The following TRMT44 variants were observed in gnomAD, a reference collection of about 807,000 sequenced individuals.
TRMT44 encodes probable tRNA (uracil-O(2)-)-methyltransferase.
Under a neutral mutation model 77.3 loss-of-function variants are expected in TRMT44, and 78 were observed. The observed-to-expected ratio is 1.01, with a 90% CI of 0.84 to 1.22. TRMT44 has a LOEUF of 1.22. Among genes scored for constraint, TRMT44 ranks in the 50% most tolerant of loss-of-function variants. TRMT44 has a pLI of 0.00. For missense variants in TRMT44, 1,090 were observed against 964.4 expected (o/e 1.13, Z -1.73); for synonymous variants, 391 against 383.3 (o/e 1.02, Z -0.23).
chr4:8,444,640 C>T lies in TRMT44; in HGVS notation c.620-1836C>T, dbSNP rs1002673951. 9.2e-5 allele frequency among the ~76,000 whole-genome samples: 14 copies of T among 152,326 alleles called. No individual in the cohort carries two copies. The highest frequency in any genetic ancestry group is 3.4e-3 in the Middle Eastern group (1 of 294). ...CTCCTACTCCTGACCTCACGTGATC[C>T]GCCTGCCTTGGCCTCCCAAAGTGCC... On this transcript the variant is annotated intron_variant, in intron 1 of 10. Coordinates refer to ENST00000389737, the MANE Select transcript of TRMT44 (RefSeq NM_152544.3). The surrounding 1 kb of genome is among the most constrained non-coding windows in gnomAD (Gnocchi z 4.0).
the TRMT44 span, among the ~76,000 whole-genome samples, chr4:8,502,765 T>C: frequency 6.6e-6 from 1 of 152,210 alleles, no homozygotes; most frequent in Non-Finnish European, 1.5e-5. Context: ...GCCATTGCCT[T>C]GGTGGATGCT....
At chr4:8,483,591 G>A (rs1727703071) in intron 2 of TRMT44, among the ~76,000 whole-genome samples, 1 of 152,188 alleles carries the variant, frequency 6.6e-6, no homozygotes, top group African/African-American at 2.4e-5. Flanking sequence ...TTAAGTTGGT[G>A]GCTGGGCTTG....
chr4:8,463,220 T>C (rs1468917002), intron 6 of TRMT44, among the ~76,000 whole-genome samples: 1 of 152,216 alleles, frequency 6.6e-6, no homozygotes, highest in Non-Finnish European at 1.5e-5. Flanking sequence ...TTTCAATGGT[T>C]GTGTGGTCTC....
At chr4:8,498,739 C>G in the TRMT44 span, among the ~76,000 whole-genome samples, 1 of 152,154 alleles carries the variant, frequency 6.6e-6, no homozygotes, top group Non-Finnish European at 1.5e-5. This position sits in a 1 kb window ranked among gnomAD's most constrained non-coding sequence, Gnocchi z 4.3. Flanking sequence ...GGCCACAGGT[C>G]TGGCTGATGG....
chr4:8,446,401 C>A lies in TRMT44; in HGVS notation c.620-75C>A. 1 of 948,230 alleles carries A rather than the reference C, an allele frequency of 1.1e-6. No homozygotes were observed. 58.7% of individuals were successfully genotyped at this position (948,230 alleles called of 1,614,324 possible). A position where few individuals can be genotyped will look rare whatever the true frequency, so the allele number is the denominator to read the frequency against. ...TGAAAGCATCGTGCTTGACTCATCCCTATTTTTAATACTGCTTCTGATGAG... is the reference window on the plus strand; with the variant it reads ...TGAAAGCATCGTGCTTGACTCATCCATATTTTTAATACTGCTTCTGATGAG... On this transcript the variant is annotated intron_variant, in intron 1 of 10. Transcript: ENST00000389737. This position sits in a 1 kb window ranked among gnomAD's most constrained non-coding sequence, Gnocchi z 4.3.
downstream of TRMT44, among the ~76,000 whole-genome samples, chr4:8,497,745 A>C (rs1728191234): frequency 1.3e-5 from 2 of 152,196 alleles, no homozygotes; most frequent in South Asian, 2.1e-4. Flanking sequence ...TAAAATAAAC[A>C]ATCCTCCTGT....
chr4:8,468,691 C>A, intron 9 of TRMT44: 1 of 485,606 alleles, frequency 2.1e-6, no homozygotes, highest in Non-Finnish European at 3.6e-6. Flanking sequence ...TGCACTGTCC[C>A]CTTGAGTATG....
intron 2 of TRMT44, among the ~76,000 whole-genome samples, chr4:8,448,876 C>T (rs966487513): frequency 1.6e-4 from 24 of 152,254 alleles, no homozygotes; most frequent in Admixed American, 3.9e-4. Context: ...GGCTCTGCCC[C>T]GCTCACCCAG....
In TRMT44 at chr4:8,450,869, C is replaced by T. The variant is rs73211383; in HGVS notation, c.954+981C>T. ...CTGGGGTGCAGTGGTGCAATCTTGGCTCACTGGAGACTCAACCTCCCGGGC... is the reference window on the plus strand; with the variant it reads ...CTGGGGTGCAGTGGTGCAATCTTGGTTCACTGGAGACTCAACCTCCCGGGC... On this transcript the variant is annotated intron_variant, in intron 3 of 10. Transcript: ENST00000389737. Among the ~76,000 whole-genome samples, 1,342 of 138,470 alleles carry T rather than the reference C, an allele frequency of 9.7e-3. 7 individuals carry two copies. The highest frequency in any genetic ancestry group is 0.036 in the South Asian group (150 of 4,182). 90.8% of individuals were successfully genotyped at this position (138,470 alleles called of 152,430 possible).
At chr4:8,481,056 G>C (rs188871700), downstream of TRMT44, among the ~76,000 whole-genome samples, 11 of 152,312 alleles carry the variant, frequency 7.2e-5, no homozygotes, top group East Asian at 1.4e-3. Context: ...TGAAAGATCT[G>C]AATAGGAAAC....
chr4:8,509,693 G>C, the TRMT44 span: 1 of 152,684 alleles, frequency 6.5e-6, no homozygotes, highest in Admixed American at 6.5e-5. Context: ...CAGGAGGGGC[G>C]GCGCTGGAGT....
At chr4:8,485,233 G>T (rs1245758650) in intron 2 of TRMT44, among the ~76,000 whole-genome samples, 1 of 152,152 alleles carries the variant, frequency 6.6e-6, no homozygotes, top group Non-Finnish European at 1.5e-5. Context: ...GATGAGGGGT[G>T]CAGGGGAATA....
chr4:8,445,463 T>C (rs1724999207), intron 1 of TRMT44, among the ~76,000 whole-genome samples: 1 of 152,244 alleles, frequency 6.6e-6, no homozygotes, highest in Admixed American at 6.5e-5. Context: ...CTTGTCACCT[T>C]GTCCACGCCA....
At chr4:8,499,628 C>T in the TRMT44 span, among the ~76,000 whole-genome samples, 1 of 150,832 alleles carries the variant, frequency 6.6e-6, no homozygotes, top group Non-Finnish European at 1.5e-5. Flanking sequence ...AGTGTCATGC[C>T]TCTTTCACCA....
rs1288983531 is a variant in TRMT44, at chr4:8,482,864, A to T, written n.3891+3331A>T. 2.8e-5 allele frequency among the ~76,000 whole-genome samples: 4 copies of T among 142,286 alleles called. No homozygotes were observed. In the South Asian group the frequency reaches 9.6e-4, roughly 34 times the overall value. 93.3% of individuals were successfully genotyped at this position (142,286 alleles called of 152,430 possible). A position where few individuals can be genotyped will look rare whatever the true frequency, so the allele number is the denominator to read the frequency against. The stretch of plus-strand genomic sequence containing the variant: ...GACATTCCTGCCTTCTTATAATAAT[A>T]AGAAAAATAAAATAGTGTTGAAGTG... On this transcript the variant is annotated intron_variant and non_coding_transcript_variant, in intron 2 of 2. Transcript: ENST00000511366.
At chr4:8,476,810 C>G (rs181404207), downstream of TRMT44, 1 of 152,354 alleles carries the variant, frequency 6.6e-6, no homozygotes, top group African/African-American at 2.4e-5. Flanking sequence ...GTGGCAAGAT[C>G]ATAGCTCACT....
At chr4:8,441,828 C>T (rs1341752281) in intron 1 of TRMT44, among the ~76,000 whole-genome samples, 3 of 152,090 alleles carry the variant, frequency 2.0e-5, no homozygotes, top group Admixed American at 6.5e-5. Flanking sequence ...AGATTGGGGG[C>T]CAGGGGGCCA....
At chr4:8,500,072 A>T in the TRMT44 span, among the ~76,000 whole-genome samples, 3 of 152,180 alleles carry the variant, frequency 2.0e-5, no homozygotes, top group African/African-American at 7.2e-5. Flanking sequence ...CTATGAAAAA[A>T]ATTAAAAATT....
downstream of TRMT44, among the ~76,000 whole-genome samples, chr4:8,498,030 C>T (rs1728200244): frequency 6.6e-6 from 1 of 152,200 alleles, no homozygotes; most frequent in African/African-American, 2.4e-5. This position sits in a 1 kb window ranked among gnomAD's most constrained non-coding sequence, Gnocchi z 4.3. Context: ...TCCCCAGCCT[C>T]TGTGGACTCC....
Sources: allele counts gnomAD v4.1 joint callset (sites outside exome capture counted in the v4.1 genomes callset), GRCh38; gene constraint gnomAD v4.1.1; non-coding constraint Gnocchi (gnomAD v3.1); transcripts MANE v1.5; gene names NCBI Gene and HGNC (gene_info 2026-07-23, HGNC 2026-07-21).